The following OGG1 variants were observed in gnomAD, a reference collection of about 807,000 sequenced individuals.
OGG1 encodes the protein 8-oxoguanine DNA glycosylase.
OGG1 carries 35 observed loss-of-function variants against 42.3 expected under a neutral mutation model. That is an observed-to-expected ratio of 0.83 (90% CI 0.63 to 1.10). The LOEUF (loss-of-function observed/expected upper bound fraction) is 1.10. Among genes scored for constraint, OGG1 ranks in the 50% least tolerant of loss-of-function variants. The pLI, the probability that OGG1 is intolerant of heterozygous loss-of-function variation, is 0.00. For synonymous variants in OGG1, 189 were observed against 179.0 expected (o/e 1.06, Z -0.44); for missense variants, 484 against 446.7 (o/e 1.08, Z -0.75).
chr3:9,757,066 GT>G lies in OGG1; in HGVS notation c.956del (p.Phe319SerfsTer87). ...PYAGWAQAVL[F>X]SADLRQSRHA... is the part of the protein sequence containing the mutation. ...CAGACTCCACCCTCCTACAGGTGCTGTTCAGTGCCGACCTGCGCCAATCCCG... is the reference window on the plus strand; with the variant it reads ...CAGACTCCACCCTCCTACAGGTGCTGTCAGTGCCGACCTGCGCCAATCCCG... On this transcript the variant is annotated frameshift_variant, in exon 7 of 7. Coordinates refer to ENST00000344629, the MANE Select transcript of OGG1 (RefSeq NM_002542.6). LOFTEE classifies it high-confidence loss of function. The surrounding 1 kb of genome is among the most constrained non-coding windows in gnomAD (Gnocchi z 4.5). The G allele has an allele frequency of 6.2e-7, 1 of 1,614,084 alleles. No homozygotes were observed. Among genetic ancestry groups the G allele is most frequent in the Non-Finnish European group, 8.5e-7 (1 of 1,180,038 alleles).
intron 1 of OGG1, chr3:9,750,664 G>C: frequency 1.4e-6 from 1 of 703,820 alleles, no homozygotes; most frequent in Non-Finnish European, 2.4e-6. Flanking sequence ...TTTTGAGACA[G>C]GGTCTCGCTC....
chr3:9,767,168 A>G (rs1166545753), downstream of OGG1, among the ~76,000 whole-genome samples: 2 of 152,136 alleles, frequency 1.3e-5, no homozygotes. Context: ...TTCTCCAGGA[A>G]GTTTTCCCCC....
At chr3:9,786,962 AAC>A in intron 3 of OGG1, 1 of 1,541,476 alleles carries the variant, frequency 6.5e-7, no homozygotes. Context: ...AACACATTAA[AAC>A]ACAAAGTAAA....
At chr3:9,760,651 A>G (rs753967585), downstream of OGG1, 1 of 1,613,826 alleles carries the variant, frequency 6.2e-7, no homozygotes, top group South Asian at 1.1e-5. Flanking sequence ...CAAAGCCCCA[A>G]ATACCAGAGT....
intron 2 of OGG1, among the ~76,000 whole-genome samples, 178 bp downstream of exon 2, chr3:9,751,370 A>G (rs1323155126): frequency 6.6e-6 from 1 of 152,230 alleles, no homozygotes; most frequent in African/African-American, 2.4e-5. Context: ...AAGTATTATT[A>G]CCATTATTAT....
At chr3:9,789,547 ACTC>A, downstream of OGG1, 2 of 1,613,868 alleles carry the variant, frequency 1.2e-6, no homozygotes, top group Non-Finnish European at 1.7e-6. Flanking sequence ...GGCTTCAGTA[ACTC>A]CTCAAGTGTG....
chr3:9,767,763 C>T, downstream of OGG1: 1 of 1,613,812 alleles, frequency 6.2e-7, no homozygotes, highest in Non-Finnish European at 8.5e-7. Flanking sequence ...CCACTGCCCC[C>T]CGACCACAGC....
downstream of OGG1, among the ~76,000 whole-genome samples, chr3:9,768,348 A>G (rs1483570127): frequency 1.3e-5 from 2 of 152,220 alleles, no homozygotes. Flanking sequence ...GGAGCTCCCC[A>G]GACCTCTCCC....
At chr3:9,752,583 T>C (rs2077357817) in intron 3 of OGG1, among the ~76,000 whole-genome samples, 1 of 145,234 alleles carries the variant, frequency 6.9e-6, no homozygotes, top group Non-Finnish European at 1.5e-5. Context: ...GTGAATGGGA[T>C]AGTTTTGTAT....
Position 9,750,195 on chromosome 3 carries a change from G to C in OGG1, c.-92G>C, listed in dbSNP as rs2077228176. On this transcript the variant is annotated 5_prime_UTR_variant, in exon 1 of 7. Transcript: ENST00000344629. The stretch of plus-strand genomic sequence containing the variant: ...GCACCGTGTGGGCGAGGCCTTAAGG[G>C]TCGTGGTCCTTGTCTGGGCGGGGTC... 1 of 1,507,444 alleles carries C rather than the reference G, an allele frequency of 6.6e-7. No homozygotes were observed. The highest frequency in any genetic ancestry group is 2.3e-5 in the East Asian group (1 of 44,190). 93.4% of individuals were successfully genotyped at this position (1,507,444 alleles called of 1,614,324 possible). A position where few individuals can be genotyped will look rare whatever the true frequency, so the allele number is the denominator to read the frequency against.
At chr3:9,757,617 CGGCCCTGCATGGGAA>C, downstream of OGG1, 1 of 1,614,172 alleles carries the variant, frequency 6.2e-7, no homozygotes, top group South Asian at 1.1e-5. This position sits in a 1 kb window ranked among gnomAD's most constrained non-coding sequence, Gnocchi z 4.5. Flanking sequence ...AGCCAGCTGC[CGGCCCTGCATGGGAA>C]GACAGAACAG....
At chr3:9,759,857 G>A (rs1189037273), downstream of OGG1, 18 of 1,595,442 alleles carry the variant, frequency 1.1e-5, no homozygotes, top group African/African-American at 5.4e-5. Flanking sequence ...AAGACAAAGA[G>A]GCCAAATCAG....
chr3:9,786,100 G>A (rs1254800826), intron 3 of OGG1, among the ~76,000 whole-genome samples: 7 of 152,096 alleles, frequency 4.6e-5, no homozygotes, highest in East Asian at 1.9e-4. Flanking sequence ...CACTATGCCC[G>A]GCTAATTTTT....
chr3:9,760,579 G>T (rs1329392430), downstream of OGG1: 1 of 1,472,254 alleles, frequency 6.8e-7, no homozygotes, highest in East Asian at 2.3e-5. Flanking sequence ...AGGAAGGCAG[G>T]AGGGAGACCG....
intron 4 of OGG1, among the ~76,000 whole-genome samples, chr3:9,755,350 C>T (rs960146659): frequency 6.6e-6 from 1 of 152,144 alleles, no homozygotes; most frequent in Non-Finnish European, 1.5e-5. Context: ...AGGGATGAGC[C>T]ACTGCTCCCG....
chr3:9,776,588 AC>A (rs1458307737), intron 2 of OGG1, among the ~76,000 whole-genome samples: 6 of 151,466 alleles, frequency 4.0e-5, no homozygotes, highest in Non-Finnish European at 8.8e-5. Flanking sequence ...AAGGGGTTTC[AC>A]CATGTTAGCC....
At position 9,784,312 on chromosome 3, in the gene OGG1, T is replaced by C. The variant is rs1007840249; in HGVS notation, c.382+2712T>C. The C allele has an allele frequency of 1.1e-5, 16 of 1,449,722 alleles. No homozygotes were observed. The East Asian group carries it at 3.4e-4, about 31-fold the overall frequency. The allele number at this position is 1,449,722 out of a possible 1,614,324, so 89.8% of individuals were successfully genotyped here. On this transcript the variant is annotated intron_variant, in intron 3 of 3. Transcript: ENST00000426518. Reference sequence around the variant, plus strand: ...TTCCCAAGGTCAGTGAAAACCTGCCTTTCCCTTTGGGCACCCCCTCTGTAT... The same window carrying C: ...TTCCCAAGGTCAGTGAAAACCTGCCCTTCCCTTTGGGCACCCCCTCTGTAT...
Position 9,772,754 on chromosome 3 carries a change from A to G in OGG1, c.295-8759A>G, listed in dbSNP as rs566631344. Among the ~76,000 whole-genome samples, 243 of 152,318 alleles carry G rather than the reference A, an allele frequency of 1.6e-3. 3 individuals carry two copies. Among genetic ancestry groups the G allele is most frequent in the Admixed American group, 0.011 (162 of 15,288 alleles). On this transcript the variant is annotated intron_variant, in intron 2 of 3. Transcript: ENST00000426518. ...AGCAAGTGTACTGTAATGGGCAGCC[A>G]TAAGGAATGGAAGAGGTATCTTGTC...
At chr3:9,753,351 CAAAAA>C (rs56205013) in intron 3 of OGG1, among the ~76,000 whole-genome samples, 1 of 73,076 alleles carries the variant, frequency 1.4e-5, no homozygotes, top group Non-Finnish European at 2.8e-5. Flanking sequence ...GACTCCGTCT[CAAAAA>C]AAAAAAAAAA....
Sources: allele counts gnomAD v4.1 joint callset (sites outside exome capture counted in the v4.1 genomes callset), GRCh38; gene constraint gnomAD v4.1.1; non-coding constraint Gnocchi (gnomAD v3.1); transcripts MANE v1.5; gene names NCBI Gene and HGNC (gene_info 2026-07-23, HGNC 2026-07-21).